Variants in KCNQ4 observed in about 807,000 individuals in gnomAD.
The protein encoded by KCNQ4 is potassium voltage-gated channel subfamily Q member 4.
Under a neutral mutation model 72.6 loss-of-function variants are expected in KCNQ4, and 31 were observed. The ratio of observed to expected loss-of-function variants is 0.43; its 90% CI spans 0.32 to 0.58. KCNQ4 has a LOEUF of 0.58. Ranked by LOEUF, KCNQ4 falls within the 20% of genes least tolerant of loss-of-function variation. The pLI is 0.08. For missense variants in KCNQ4, 869 were observed against 962.6 expected (o/e 0.90, Z 1.29); for synonymous variants, 405 against 403.7 (o/e 1.00, Z -0.04).
chr1:40,812,928 A>C (rs1647970336), intron 1 of KCNQ4, among the ~76,000 whole-genome samples: 1 of 152,198 alleles, frequency 6.6e-6, no homozygotes, highest in African/African-American at 2.4e-5. Flanking sequence ...ATAAGGGGCA[A>C]GAGAGTGGAG....
At chr1:40,792,345 C>T (rs1188497363) in intron 1 of KCNQ4, among the ~76,000 whole-genome samples, 1 of 152,156 alleles carries the variant, frequency 6.6e-6, no homozygotes, top group Non-Finnish European at 1.5e-5. Context: ...GGGATTCAGA[C>T]CCTATGGAAC....
chr1:40,785,988 C>T (rs1647198519), intron 1 of KCNQ4, among the ~76,000 whole-genome samples: 1 of 152,064 alleles, frequency 6.6e-6, no homozygotes, highest in African/African-American at 2.4e-5. Context: ...TCAGGGTCAA[C>T]GGTTTGTAGT....
rs4440844 is a variant in KCNQ4 at position 40,784,353 on chromosome 1, T to C, written c.260T>C (p.Val87Ala). Residue 87 changes from valine to alanine, a missense_variant, in exon 1 of 14, where the codon GTC becomes GCC. Around this residue, in one of 5 missense-constraint regions of KCNQ4, gnomAD observed 178 missense variants for 145.3 expected, o/e 1.22. Coordinates refer to ENST00000347132, the MANE Select transcript of KCNQ4 (RefSeq NM_004700.4). This position sits in a 1 kb window ranked among gnomAD's most constrained non-coding sequence, Gnocchi z 4.1. ...CGCTACCGCCGCCTGCAGAACTGGG[T>C]CTACAACGTGCTGGAGCGGCCCCGC... ...HKRYRRLQNW[V>A]YNVLERPRGW... The C allele has an allele frequency of 1.2e-6, 2 of 1,609,834 alleles. No homozygotes were observed. The highest frequency in any genetic ancestry group is 1.7e-6 in the Non-Finnish European group (2 of 1,179,262).
rs1241069895 is a variant in KCNQ4, at chr1:40,835,056, G to A, written c.1703G>A (p.Gly568Asp). 1.2e-6 allele frequency: 2 copies of A among 1,613,946 alleles called. No individual in the cohort carries two copies. The highest frequency in any genetic ancestry group is 2.7e-5 in the African/African-American group (2 of 74,948). Residue 568 changes from glycine (G) to aspartate (D), a missense_variant, in exon 12 of 14, where the codon GGC becomes GAC. Around this residue, in one of 5 missense-constraint regions of KCNQ4, gnomAD observed 480 missense variants for 501.9 expected, o/e 0.96. Transcript: ENST00000347132. The part of the protein sequence containing the change: ...VKDVIEQYSA[G>D]HLDMLGRIKS... ...GACGTCATTGAGCAGTACTCAGCAG[G>A]CCACCTGGACATGCTGGGCCGGATC...
intron 1 of KCNQ4, among the ~76,000 whole-genome samples, chr1:40,813,847 A>C (rs1346414086): frequency 2.0e-5 from 3 of 151,978 alleles, no homozygotes; most frequent in South Asian, 2.1e-4. Context: ...TCCTGGGTTC[A>C]TGCCATTGTC....
chr1:40,838,347 G>A lies in KCNQ4; in HGVS notation c.1912G>A (p.Gly638Ser), dbSNP rs759506278. 3.1e-6 allele frequency: 5 copies of A among 1,613,906 alleles called. No individual in the cohort carries two copies. The highest frequency in any genetic ancestry group is 4.2e-6 in the Non-Finnish European group (5 of 1,179,934). ...SIEHKLDLLL[G>S]FYSRCLRSGT... ...CGAGCACAAGCTGGACCTGCTGTTG[G>A]GCTTCTATTCGCGCTGCCTGCGCTC... The change falls in exon 14 of 14, where the codon GGC becomes AGC. Residue 638 changes from glycine to serine, a missense_variant. Gly to Ser is a moderately conservative substitution (Grantham distance 56, BLOSUM62 0). Around this residue, in one of 5 missense-constraint regions of KCNQ4, gnomAD observed 480 missense variants for 501.9 expected, o/e 0.96. Transcript: ENST00000347132.
Position 40,826,710 on chromosome 1 carries a change from C to T in KCNQ4, c.1292+2452C>T, listed in dbSNP as rs753572913. 1.1e-5 allele frequency: 5 copies of T among 454,140 alleles called. No homozygotes were observed. The East Asian group carries it at 3.5e-4, about 32-fold the overall frequency. The allele number at this position is 454,140 out of a possible 1,614,324, so 28.1% of individuals were successfully genotyped here. ...GGAGACCGAGGTACCCCCTCGCCTG[C>T]TCCTCCTGTCCCCACTCCTCCTTGC... On this transcript the variant is annotated intron_variant, in intron 9 of 13. Transcript: ENST00000347132.
At chr1:40,800,929 G>A (rs750697660) in intron 1 of KCNQ4, among the ~76,000 whole-genome samples, 22 of 152,356 alleles carry the variant, frequency 1.4e-4, no homozygotes, top group South Asian at 4.1e-4. Context: ...AGGGGAGACA[G>A]TACAAAAGCC....
intron 8 of KCNQ4, among the ~76,000 whole-genome samples, chr1:40,823,243 G>A (rs748451767): frequency 9.9e-5 from 15 of 152,188 alleles, no homozygotes; most frequent in Non-Finnish European, 1.9e-4. Flanking sequence ...GGAGAGAAGG[G>A]GCCGGGAAGA....
At chr1:40,833,833 CAAA>C (rs200163500) in intron 11 of KCNQ4, among the ~76,000 whole-genome samples, 3 of 100,686 alleles carry the variant, frequency 3.0e-5, no homozygotes, top group Non-Finnish European at 4.0e-5. Flanking sequence ...CTTGTCTTTG[CAAA>C]AAAAAAAAAA....
chr1:40,820,473 C>G (rs140523181), intron 7 of KCNQ4, among the ~76,000 whole-genome samples: 8 of 152,366 alleles, frequency 5.3e-5, no homozygotes, highest in Non-Finnish European at 8.8e-5. Flanking sequence ...CACCAAATGC[C>G]TGGTTTAGGG....
intron 7 of KCNQ4, among the ~76,000 whole-genome samples, chr1:40,821,769 G>A (rs1570834864): frequency 6.6e-6 from 1 of 152,182 alleles, no homozygotes; most frequent in East Asian, 1.9e-4. Flanking sequence ...TCTAGGGGGA[G>A]AGAAAGTTAT....
At chr1:40,821,593 C>T (rs894850214) in intron 7 of KCNQ4, among the ~76,000 whole-genome samples, 4 of 152,220 alleles carry the variant, frequency 2.6e-5, no homozygotes, top group African/African-American at 9.6e-5. Flanking sequence ...TTTTCCTCCC[C>T]TCTCAGTCCT....
intron 12 of KCNQ4, 101 bp downstream of exon 12, chr1:40,835,199 T>C (rs1287160137): frequency 2.1e-6 from 3 of 1,445,744 alleles, no homozygotes; most frequent in Non-Finnish European, 1.9e-6. Flanking sequence ...AAGGGCTCAC[T>C]GCTGCAGCTG....
In KCNQ4 at chr1:40,838,323, G is replaced by C. The variant is rs1247386832; in HGVS notation, c.1888G>C (p.Glu630Gln). Reference protein sequence around the residue: ...VKVEKQVQSIEHKLDLLLGFY... With the variant: ...VKVEKQVQSIQHKLDLLLGFY... Reference sequence around the variant, plus strand: ...GCCCCGTCCCCAGGTGCAGTCCATCGAGCACAAGCTGGACCTGCTGTTGGG... The same window carrying C: ...GCCCCGTCCCCAGGTGCAGTCCATCCAGCACAAGCTGGACCTGCTGTTGGG... The change falls in exon 14 of 14, where the codon GAG (glutamate) becomes CAG (glutamine). Residue 630 changes from glutamate (E) to glutamine (Q), a missense_variant. This residue lies in a region of KCNQ4 where 480 missense variants were observed against 501.9 expected (regional missense o/e 0.96). Coordinates refer to ENST00000347132, the MANE Select transcript of KCNQ4 (RefSeq NM_004700.4). The C allele has an allele frequency of 1.2e-6, 2 of 1,613,264 alleles. No homozygotes were observed. The highest frequency in any genetic ancestry group is 1.1e-5 in the South Asian group (1 of 91,074).
At chr1:40,799,361 G>A (rs1318988038) in intron 1 of KCNQ4, among the ~76,000 whole-genome samples, 1 of 152,140 alleles carries the variant, frequency 6.6e-6, no homozygotes, top group Non-Finnish European at 1.5e-5. Context: ...AGGAGTGTTT[G>A]GGGCTCATCC....
intron 1 of KCNQ4, among the ~76,000 whole-genome samples, chr1:40,790,557 C>G (rs1432795086): frequency 6.6e-6 from 1 of 152,204 alleles, no homozygotes; most frequent in Non-Finnish European, 1.5e-5. Flanking sequence ...TCGTGTAACG[C>G]TCACAGCCAT....
chr1:40,831,154 C>T lies in KCNQ4; in HGVS notation c.1363C>T (p.His455Tyr), dbSNP rs1202201690. 1.9e-6 allele frequency: 3 copies of T among 1,611,444 alleles called. No individual in the cohort carries two copies. The Admixed American group carries it at 5.0e-5, about 27-fold the overall frequency. ...GCGGCGGACGGGTCCTTCCAAGCAG[C>T]ATCTGGCACCTCCAACAATGCCCAC... ...SQRRTGPSKQ[H>Y]LAPPTMPTSP... Residue 455 changes from histidine (H) to tyrosine (Y), a missense_variant, in exon 10 of 14, where the codon CAT becomes TAT. Coordinates refer to ENST00000347132, the MANE Select transcript of KCNQ4 (RefSeq NM_004700.4).
In KCNQ4 at chr1:40,788,852, T is replaced by C. The variant is rs1647230863; in HGVS notation, c.314+4445T>C. On this transcript the variant is annotated intron_variant, in intron 1 of 13. Transcript: ENST00000347132. This position sits in a 1 kb window ranked among gnomAD's most constrained non-coding sequence, Gnocchi z 4.5. ...ACCACGTCACTGCTGCGTACCTGTC[T>C]GAATGTCTCACACATGCACTCACTG... is the stretch of plus-strand genomic sequence containing the variant. Among the ~76,000 whole-genome samples the C allele has an allele frequency of 6.6e-6, 1 of 152,232 alleles. No homozygotes were observed. The highest frequency in any genetic ancestry group is 1.5e-5 in the Non-Finnish European group (1 of 68,040).
Sources: gnomAD v4.1 joint callset for allele counts (sites outside exome capture counted in the v4.1 genomes callset) on GRCh38, gnomAD v4.1.1 for gene constraint, gnomAD v4.1.1 regional missense constraint, Gnocchi (gnomAD v3.1) non-coding constraint, MANE v1.5 for transcripts, NCBI Gene and HGNC (gene_info 2026-07-23, HGNC 2026-07-21) for gene names.